TEKT2: variants seen among roughly 807,000 people sequenced by gnomAD.
TEKT2 encodes tektin-2.
Under a neutral mutation model 49.8 loss-of-function variants are expected in TEKT2, and 45 were observed. The observed-to-expected ratio is 0.90, with a 90% confidence interval of 0.71 to 1.16. The LOEUF (loss-of-function observed/expected upper bound fraction) is 1.16. TEKT2 is among the 50% of genes most tolerant of loss of function. TEKT2 has a pLI of 0.00. For missense variants in TEKT2, 523 were observed against 551.4 expected (o/e 0.95, Z 0.52); for synonymous variants, 202 against 224.6 (o/e 0.90, Z 0.90).
At position 36,087,474 on chromosome 1, in the gene TEKT2, C is replaced by G. The variant is rs947496999; in HGVS notation, c.891C>G (p.Ile297Met). 1 of 1,613,672 alleles carries G rather than the reference C, an allele frequency of 6.2e-7. No homozygotes were observed. The highest frequency in any genetic ancestry group is 8.5e-7 in the Non-Finnish European group (1 of 1,180,040). The change falls in exon 8 of 10, where the codon ATC (isoleucine) becomes ATG (methionine). Residue 297 changes from isoleucine to methionine, a missense_variant. Transcript: ENST00000207457. The surrounding 1 kb of genome is among the most constrained non-coding windows in gnomAD (Gnocchi z 4.9). ...LEEIAELQEDIRHLEEDLRTK... is the reference protein window; with the variant it reads ...LEEIAELQEDMRHLEEDLRTK... ...AGATCGCTGAGCTGCAGGAGGACAT[C>G]CGGCACCTGGAGGAGGATCTGCGCA...
chr1:36,087,651 G>C lies in TEKT2; in HGVS notation c.999+69G>C, dbSNP rs1342750193. 2.5e-6 allele frequency: 4 copies of C among 1,612,398 alleles called. No homozygotes were observed. The Admixed American group carries it at 5.0e-5, about 20-fold the overall frequency. ...TTTCTCATATTCCTGATGGAGCAAGGGCACTGCTGTCAAGGGGCAGCACTC... is the reference window on the plus strand; with the variant it reads ...TTTCTCATATTCCTGATGGAGCAAGCGCACTGCTGTCAAGGGGCAGCACTC... On this transcript the variant is annotated intron_variant, in intron 8 of 9. Coordinates refer to ENST00000207457, the MANE Select transcript of TEKT2 (RefSeq NM_014466.3). The surrounding 1 kb of genome is among the most constrained non-coding windows in gnomAD (Gnocchi z 4.9).
intron 3 of TEKT2, 152 bp downstream of exon 3, chr1:36,085,440 C>G: frequency 4.4e-6 from 5 of 1,140,032 alleles, no homozygotes; most frequent in Non-Finnish European, 6.4e-6. Flanking sequence ...GCGCTACTTC[C>G]CCATGGATGG....
rs746586703 is a variant in TEKT2 at position 36,085,901 on chromosome 1, C to T, written c.348C>T (p.Cys116=). 6.2e-7 allele frequency: 1 copy of T among 1,614,034 alleles called. No individual in the cohort carries two copies. Among genetic ancestry groups the T allele is most frequent in the South Asian group, 1.1e-5 (1 of 91,068 alleles). ...KNLPLDVAIE[C]LTLRESRRDI... ...TGCCTCTGGATGTGGCCATTGAGTG[C>T]CTGACCCTGCGGGAAAGCCGGCGAG... The change falls in exon 4 of 10, where the codon TGC becomes TGT. Residue 116 remains cysteine, a synonymous_variant. Coordinates refer to ENST00000207457, the MANE Select transcript of TEKT2 (RefSeq NM_014466.3).
At chr1:36,086,671 G>A (rs549590071) in intron 4 of TEKT2, 33 bp from the exon 5 acceptor site, 1 of 1,613,838 alleles carries the variant, frequency 6.2e-7, no homozygotes, top group South Asian at 1.1e-5. Context: ...GGCCCTTGGG[G>A]GATGGTCCTG....
rs1416953742 is a variant in TEKT2, at chr1:36,087,787, G to A, written c.1059G>A (p.Lys353=). The change falls in exon 9 of 10, where the codon AAG becomes AAA. Residue 353 remains lysine, a synonymous_variant. Coordinates refer to ENST00000207457, the MANE Select transcript of TEKT2 (RefSeq NM_014466.3). This position sits in a 1 kb window ranked among gnomAD's most constrained non-coding sequence, Gnocchi z 4.9. ...TAGAGGCAACCATCGCTGCCCTGAA[G>A]CAGAAGCTGGCGCAAGCACAGTAGG... ...HQLEATIAAL[K]QKLAQAQDAL... 64 of 1,613,664 alleles carry A rather than the reference G, an allele frequency of 4.0e-5. No homozygotes were observed. Among genetic ancestry groups the A allele is most frequent in the Non-Finnish European group, 5.3e-5 (62 of 1,180,020 alleles).
In TEKT2 at chr1:36,087,553, C is replaced by G. The variant is rs779109119; in HGVS notation, c.970C>G (p.Arg324Gly). Reference protein sequence around the residue: ...SHTRLEARTYRPNVELCRDQA... With the variant: ...SHTRLEARTYGPNVELCRDQA... ...TACCCGGCTAGAGGCCAGAACCTAC[C>G]GGCCCAACGTGGAACTCTGCCGGGA... Residue 324 changes from arginine to glycine, a missense_variant, in exon 8 of 10, where the codon CGG becomes GGG. Coordinates refer to ENST00000207457, the MANE Select transcript of TEKT2 (RefSeq NM_014466.3). The surrounding 1 kb of genome is among the most constrained non-coding windows in gnomAD (Gnocchi z 4.9). 1 of 1,613,836 alleles carries G rather than the reference C, an allele frequency of 6.2e-7. No homozygotes were observed.
chr1:36,085,123 A>C (rs201793365), intron 2 of TEKT2, 40 bp from the exon 3 acceptor site: 352 of 1,614,070 alleles, frequency 2.2e-4, no homozygotes, highest in Non-Finnish European at 2.9e-4. Flanking sequence ...ATAGCCCCCA[A>C]CCCCTTGACA....
In TEKT2 at chr1:36,087,136, C is replaced by A; in HGVS notation, c.748-68C>A. 3 of 1,604,988 alleles carry A rather than the reference C, an allele frequency of 1.9e-6. No individual in the cohort carries two copies. Among genetic ancestry groups the A allele is most frequent in the African/African-American group, 1.3e-5 (1 of 74,860 alleles). ...GCTGTGCATGTGGCCCCCTGCCCCT[C>A]GCTTGAGTAATATCCTCAGGCAGCC... is the stretch of plus-strand genomic sequence containing the variant. On this transcript the variant is annotated intron_variant, in intron 6 of 9. Transcript: ENST00000207457. The surrounding 1 kb of genome is among the most constrained non-coding windows in gnomAD (Gnocchi z 4.9).
Position 36,087,110 on chromosome 1 carries a change from T to C in TEKT2, c.747+65T>C. ...CGCTCAGCCCTTATCTTCTGTTCCCTGCTGTGCATGTGGCCCCCTGCCCCT... is the reference window on the plus strand; with the variant it reads ...CGCTCAGCCCTTATCTTCTGTTCCCCGCTGTGCATGTGGCCCCCTGCCCCT... On this transcript the variant is annotated intron_variant, in intron 6 of 9. Transcript: ENST00000207457. The surrounding 1 kb of genome is among the most constrained non-coding windows in gnomAD (Gnocchi z 4.9). 1.2e-6 allele frequency: 2 copies of C among 1,604,914 alleles called. No individual in the cohort carries two copies. Among genetic ancestry groups the C allele is most frequent in the Non-Finnish European group, 1.7e-6 (2 of 1,173,140 alleles).
In TEKT2 at chr1:36,086,320, TGTGA is replaced by T. The variant is rs568813860; in HGVS notation, c.488+283_488+286del. On this transcript the variant is annotated intron_variant, in intron 4 of 9. Transcript: ENST00000207457. ...TTTGCCACCACCCCTGAGTAGCTCC[TGTGA>T]GTGTGTGTGTATGAGCCTTTGTGAG... 1.8e-4 allele frequency among the ~76,000 whole-genome samples: 27 copies of T among 152,282 alleles called. No homozygotes were observed. In the South Asian group the frequency reaches 5.4e-3, roughly 30 times the overall value.
Position 36,087,924 on chromosome 1 carries a change from G to A in TEKT2, c.1080-49G>A. ...GACTGAAGGCTATGCACGCAGCCCA[G>A]GCCTCCCAGCCTCATGGGGGCTGGG... is the stretch of plus-strand genomic sequence containing the variant. On this transcript the variant is annotated intron_variant, in intron 9 of 9. Coordinates refer to ENST00000207457, the MANE Select transcript of TEKT2 (RefSeq NM_014466.3). The surrounding 1 kb of genome is among the most constrained non-coding windows in gnomAD (Gnocchi z 4.9). 6.3e-7 allele frequency: 1 copy of A among 1,592,536 alleles called. No homozygotes were observed. Among genetic ancestry groups the A allele is most frequent in the Non-Finnish European group, 8.6e-7 (1 of 1,169,240 alleles).
rs773866683 is a variant in TEKT2 at position 36,087,347 on chromosome 1, G to A, written c.855+36G>A. The A allele has an allele frequency of 1.9e-6, 3 of 1,613,790 alleles. No homozygotes were observed. The highest frequency in any genetic ancestry group is 1.1e-5 in the South Asian group (1 of 91,064). On this transcript the variant is annotated intron_variant, in intron 7 of 9. Coordinates refer to ENST00000207457, the MANE Select transcript of TEKT2 (RefSeq NM_014466.3). This position sits in a 1 kb window ranked among gnomAD's most constrained non-coding sequence, Gnocchi z 4.9. ...CCAGGGGCCTGGACTTCCTGCTGTG[G>A]GATGAGAAGCCGCATGCCCCCGCCA... is the stretch of plus-strand genomic sequence containing the variant.
Position 36,084,874 on chromosome 1 carries a change from T to G in TEKT2, c.-48T>G. Reference sequence around the variant, plus strand: ...AGCAGTGTTTTCCCTCTGCAGGTGGTGTCTGTGAACAGGCCTAGGGGTTTC... The same window carrying G: ...AGCAGTGTTTTCCCTCTGCAGGTGGGGTCTGTGAACAGGCCTAGGGGTTTC... On this transcript the variant is annotated 5_prime_UTR_variant, in exon 2 of 10. Coordinates refer to ENST00000207457, the MANE Select transcript of TEKT2 (RefSeq NM_014466.3). The surrounding 1 kb of genome is among the most constrained non-coding windows in gnomAD (Gnocchi z 4.1). 2 of 1,612,142 alleles carry G rather than the reference T, an allele frequency of 1.2e-6. No homozygotes were observed. Among genetic ancestry groups the G allele is most frequent in the South Asian group, 1.1e-5 (1 of 90,926 alleles).
Position 36,086,848 on chromosome 1 carries a change from G to A in TEKT2, c.632+1G>A. 1 of 1,614,110 alleles carries A rather than the reference G, an allele frequency of 6.2e-7. No homozygotes were observed. The highest frequency in any genetic ancestry group is 8.5e-7 in the Non-Finnish European group (1 of 1,180,028). On this transcript the variant is annotated splice_donor_variant, in intron 5 of 9. Coordinates refer to ENST00000207457, the MANE Select transcript of TEKT2 (RefSeq NM_014466.3). LOFTEE classifies it high-confidence loss of function. ...TTGACCCCACACGTGTACCTGATGG[G>A]TAAGAAGAGTGTTTCAGCCAGTCTC... is the stretch of plus-strand genomic sequence containing the variant.
rs1570004391 is a variant in TEKT2, at chr1:36,087,652, G to T, written c.999+70G>T. On this transcript the variant is annotated intron_variant, in intron 8 of 9. Coordinates refer to ENST00000207457, the MANE Select transcript of TEKT2 (RefSeq NM_014466.3). The surrounding 1 kb of genome is among the most constrained non-coding windows in gnomAD (Gnocchi z 4.9). ...TTCTCATATTCCTGATGGAGCAAGGGCACTGCTGTCAAGGGGCAGCACTCA... is the reference window on the plus strand; with the variant it reads ...TTCTCATATTCCTGATGGAGCAAGGTCACTGCTGTCAAGGGGCAGCACTCA... 1.2e-6 allele frequency: 2 copies of T among 1,612,290 alleles called. No homozygotes were observed. Among genetic ancestry groups the T allele is most frequent in the South Asian group, 1.1e-5 (1 of 90,872 alleles).
chr1:36,088,240 G>A lies in TEKT2; in HGVS notation c.*54G>A. On this transcript the variant is annotated 3_prime_UTR_variant, in exon 10 of 10. Transcript: ENST00000207457. ...GTTGGGTGGGCAATGGAAGGAGGGA[G>A]GAGAGAAATGAATGGAATAAATGCA... 8 of 1,466,832 alleles carry A rather than the reference G, an allele frequency of 5.5e-6. No homozygotes were observed. The highest frequency in any genetic ancestry group is 7.5e-6 in the Non-Finnish European group (8 of 1,060,238). The allele number at this position is 1,466,832 out of a possible 1,614,324, so 90.9% of individuals were successfully genotyped here. A position where few individuals can be genotyped will look rare whatever the true frequency, so the allele number is the denominator to read the frequency against.
Position 36,085,879 on chromosome 1 carries a change from C to T in TEKT2, c.326C>T (p.Pro109Leu). 6.2e-7 allele frequency: 1 copy of T among 1,614,040 alleles called. No individual in the cohort carries two copies. Among genetic ancestry groups the T allele is most frequent in the Non-Finnish European group, 8.5e-7 (1 of 1,180,000 alleles). Residue 109 changes from proline to leucine, a missense_variant, in exon 4 of 10, where the codon CCT becomes CTT. By Grantham distance (98) the Pro-to-Leu change is moderately conservative. Coordinates refer to ENST00000207457, the MANE Select transcript of TEKT2 (RefSeq NM_014466.3). ...CAAAACCTGCAGGCCAAGAACCTGC[C>T]TCTGGATGTGGCCATTGAGTGCCTG... ...AEQNLQAKNL[P>L]LDVAIECLTL...
In TEKT2 at chr1:36,085,004, C is replaced by A; in HGVS notation, c.83C>A (p.Ala28Asp). 1 of 1,614,068 alleles carries A rather than the reference C, an allele frequency of 6.2e-7. No homozygotes were observed. The highest frequency in any genetic ancestry group is 8.5e-7 in the Non-Finnish European group (1 of 1,180,040). ...AACAGCTACCTGCTATCCACCAATG[C>A]CCAGCTGCAGCGAGATGCTTCCCAT... ...HTNSYLLSTN[A>D]QLQRDASHQI... is the part of the protein sequence containing the mutation. The change falls in exon 2 of 10, where the codon GCC (alanine) becomes GAC (aspartate). Residue 28 changes from alanine (A) to aspartate (D), a missense_variant. By Grantham distance (126) the Ala-to-Asp change is moderately radical (BLOSUM62 -2). Transcript: ENST00000207457.
chr1:36,085,928 C>T lies in TEKT2; in HGVS notation c.375C>T (p.Asp125=). ...ECLTLRESRR[D]IDVVKDPVED... is the part of the protein sequence containing the mutation. ...TGACCCTGCGGGAAAGCCGGCGAGACATTGATGTGGTGAAGGACCCTGTGG... is the reference window on the plus strand; with the variant it reads ...TGACCCTGCGGGAAAGCCGGCGAGATATTGATGTGGTGAAGGACCCTGTGG... The change falls in exon 4 of 10, where the codon GAC becomes GAT. Residue 125 remains aspartate, a synonymous_variant. Transcript: ENST00000207457. The T allele has an allele frequency of 1.9e-6, 3 of 1,614,034 alleles. No homozygotes were observed. The highest frequency in any genetic ancestry group is 2.5e-6 in the Non-Finnish European group (3 of 1,180,000).
Sources: allele counts gnomAD v4.1 joint callset (sites outside exome capture counted in the v4.1 genomes callset), GRCh38; gene constraint gnomAD v4.1.1; non-coding constraint Gnocchi (gnomAD v3.1); transcripts MANE v1.5; gene names NCBI Gene and HGNC (gene_info 2026-07-23, HGNC 2026-07-21).